The following THEMIS variants were observed in gnomAD, a reference collection of about 807,000 sequenced individuals.
THEMIS encodes protein THEMIS.
THEMIS carries 37 observed loss-of-function variants against 52.6 expected under a neutral mutation model. The ratio of observed to expected loss-of-function variants is 0.70; its 90% confidence interval spans 0.54 to 0.93. The LOEUF (loss-of-function observed/expected upper bound fraction) is 0.93. Among genes scored for constraint, THEMIS ranks in the 40% least tolerant of loss-of-function variants. The probability of loss-of-function intolerance (pLI) is 0.00; values close to 1 mark genes in which losing one functional copy is unlikely to be tolerated. For missense variants in THEMIS, 808 were observed against 763.1 expected (o/e 1.06, Z -0.69); for synonymous variants, 292 against 272.7 (o/e 1.07, Z -0.70).
intron 1 of THEMIS, among the ~76,000 whole-genome samples, chr6:127,894,834 G>A (rs1479803054): frequency 2.0e-5 from 3 of 151,184 alleles, no homozygotes; most frequent in African/African-American, 4.8e-5. Flanking sequence ...ACTCATTTTC[G>A]GAAGCTAATG....
chr6:127,775,278 G>A (rs1776524175), intron 4 of THEMIS, among the ~76,000 whole-genome samples: 1 of 152,180 alleles, frequency 6.6e-6, no homozygotes, highest in South Asian at 2.1e-4. Flanking sequence ...GTTCCTTTCA[G>A]TCCAGGCTAT....
chr6:127,716,143 A>C (rs1774151329), intron 5 of THEMIS, among the ~76,000 whole-genome samples: 1 of 151,936 alleles, frequency 6.6e-6, no homozygotes, highest in Non-Finnish European at 1.5e-5. Context: ...AATATGGATC[A>C]GGAGAGTATA....
intron 4 of THEMIS, among the ~76,000 whole-genome samples, chr6:127,799,695 T>G (rs1401248598): frequency 1.3e-5 from 2 of 152,072 alleles, no homozygotes; most frequent in Non-Finnish European, 2.9e-5. Context: ...AGGTTACACT[T>G]TCACACTCGA....
chr6:127,860,009 T>A (rs1235541876), intron 1 of THEMIS, among the ~76,000 whole-genome samples: 1 of 152,114 alleles, frequency 6.6e-6, no homozygotes, highest in East Asian at 1.9e-4. Flanking sequence ...TATTGGCAAT[T>A]GTGTACCTAG....
chr6:127,786,042 T>C (rs1776937240), intron 4 of THEMIS, among the ~76,000 whole-genome samples: 1 of 152,160 alleles, frequency 6.6e-6, no homozygotes, highest in Non-Finnish European at 1.5e-5. Context: ...AAAGTTTGAA[T>C]ATTTTATAAA....
At chr6:127,741,517 A>G (rs969917350) in intron 4 of THEMIS, among the ~76,000 whole-genome samples, 1 of 152,252 alleles carries the variant, frequency 6.6e-6, no homozygotes, top group Non-Finnish European at 1.5e-5. Context: ...GACTAAGGAT[A>G]TATGACAGCT....
downstream of THEMIS, among the ~76,000 whole-genome samples, chr6:127,705,012 G>A (rs1773781864): frequency 6.6e-6 from 1 of 152,180 alleles, no homozygotes; most frequent in Non-Finnish European, 1.5e-5. Flanking sequence ...AGAGTTGCAT[G>A]CATCTGGTTG....
chr6:127,895,486 G>A (rs1270179173), intron 1 of THEMIS, among the ~76,000 whole-genome samples: 1 of 151,456 alleles, frequency 6.6e-6, no homozygotes, highest in Non-Finnish European at 1.5e-5. Context: ...TCACTTCAGA[G>A]ACAATCAATG....
At chr6:127,736,052 C>T (rs1239182387) in intron 4 of THEMIS, among the ~76,000 whole-genome samples, 1 of 152,154 alleles carries the variant, frequency 6.6e-6, no homozygotes, top group East Asian at 1.9e-4. Context: ...GTTTACCATC[C>T]ATCACGGATT....
intron 4 of THEMIS, among the ~76,000 whole-genome samples, chr6:127,798,216 C>T (rs75718986): frequency 0.017 from 2,578 of 152,164 alleles, 75 homozygotes; most frequent in African/African-American, 0.059. Flanking sequence ...TCTAAAATAG[C>T]GTGCCTTACT....
At chr6:127,788,312 G>A (rs963693448) in intron 4 of THEMIS, among the ~76,000 whole-genome samples, 3 of 152,102 alleles carry the variant, frequency 2.0e-5, no homozygotes, top group African/African-American at 7.2e-5. Context: ...ATTTCATGGA[G>A]AATTGCCTCT....
chr6:127,832,357 G>T (rs180797674), intron 2 of THEMIS, among the ~76,000 whole-genome samples: 118 of 152,232 alleles, frequency 7.8e-4, no homozygotes, highest in African/African-American at 2.6e-3. Context: ...ATACTAAAGT[G>T]GCACAATATA....
chr6:127,797,838 G>C (rs931170143), intron 4 of THEMIS, among the ~76,000 whole-genome samples: 2 of 152,188 alleles, frequency 1.3e-5, no homozygotes, highest in Admixed American at 6.5e-5. Context: ...TTCCAAGATG[G>C]GAGACTAGCT....
chr6:127,902,340 A>AAAT (rs1554248923), upstream of THEMIS, among the ~76,000 whole-genome samples: 9 of 127,372 alleles, frequency 7.1e-5, no homozygotes, highest in Non-Finnish European at 1.1e-4. Flanking sequence ...AAAAAAAAAA[A>AAAT]AAAAATAAAG....
chr6:127,777,107 T>A (rs910343477), intron 4 of THEMIS, among the ~76,000 whole-genome samples: 1 of 152,030 alleles, frequency 6.6e-6, no homozygotes, highest in Non-Finnish European at 1.5e-5. Flanking sequence ...ACGTTGAAAA[T>A]TTCTGCTTTT....
chr6:127,718,775 G>T (rs926775631), intron 5 of THEMIS, among the ~76,000 whole-genome samples: 3 of 151,804 alleles, frequency 2.0e-5, no homozygotes, highest in Non-Finnish European at 4.4e-5. Flanking sequence ...TTTCTCTCTC[G>T]GAGAGAGTCA....
At chr6:127,866,805 C>T (rs913020132) in intron 1 of THEMIS, among the ~76,000 whole-genome samples, 2 of 151,718 alleles carry the variant, frequency 1.3e-5, no homozygotes, top group Non-Finnish European at 2.9e-5. Context: ...GCCAAAAGAT[C>T]CCTTTTCTTG....
At chr6:127,707,075 A>G (rs547361679), downstream of THEMIS, among the ~76,000 whole-genome samples, 21 of 152,246 alleles carry the variant, frequency 1.4e-4, no homozygotes, top group African/African-American at 5.1e-4. Context: ...AAGAAGTGCC[A>G]AGCAAAAGTG....
intron 4 of THEMIS, among the ~76,000 whole-genome samples, chr6:127,743,112 T>C (rs983359215): frequency 1.3e-5 from 2 of 152,096 alleles, no homozygotes; most frequent in Non-Finnish European, 2.9e-5. Context: ...GCTATTCTCC[T>C]GAGAAGGGCA....
Sources: allele counts gnomAD v4.1 joint callset (sites outside exome capture counted in the v4.1 genomes callset), GRCh38; gene constraint gnomAD v4.1.1; transcripts MANE v1.5; gene names NCBI Gene and HGNC (gene_info 2026-07-23, HGNC 2026-07-21).